NUBP2: variants seen among roughly 807,000 people sequenced by gnomAD.
The protein encoded by NUBP2 is cytosolic Fe-S cluster assembly factor NUBP2.
Under a neutral mutation model 24.9 loss-of-function variants are expected in NUBP2, and 23 were observed. The ratio of observed to expected loss-of-function variants is 0.92; its 90% CI spans 0.66 to 1.31. The LOEUF (loss-of-function observed/expected upper bound fraction) is 1.31. Among genes scored for constraint, NUBP2 ranks in the 50% most tolerant of loss-of-function variants. The pLI is 0.00. For missense variants in NUBP2, 403 were observed against 386.5 expected, an observed-to-expected ratio of 1.04 and a Z score of -0.36; for synonymous variants, 186 against 170.9, an observed-to-expected ratio of 1.09 and a Z score of -0.69.
At chr16:1,786,386 C>A (rs750683778) in intron 1 of NUBP2, 151 bp from the exon 2 acceptor site, 1 of 723,422 alleles carries the variant, frequency 1.4e-6, no homozygotes, top group East Asian at 2.5e-5. Flanking sequence ...GTCTTTACAT[C>A]GGGGCGAAGT....
At position 1,788,685 on chromosome 16, in the gene NUBP2, C is replaced by A; in HGVS notation, c.787C>A (p.Leu263Met). 6.2e-7 allele frequency: 1 copy of A among 1,612,108 alleles called. No homozygotes were observed. The change falls in exon 7 of 7, where the codon CTG (leucine) becomes ATG (methionine). Residue 263 changes from leucine (L) to methionine (M), a missense_variant. Coordinates refer to ENST00000262302, the MANE Select transcript of NUBP2 (RefSeq NM_012225.4). ...ACTCACCTCCATAGCCCAGAAGATT[C>A]TGGACGCGACGCCCGCGTGCCTCCC... is the stretch of plus-strand genomic sequence containing the variant. Reference protein sequence around the residue: ...AALTSIAQKILDATPACLP With the variant: ...AALTSIAQKIMDATPACLP
chr16:1,783,258 T>C, intron 1 of NUBP2: 1 of 1,159,718 alleles, frequency 8.6e-7, no homozygotes. Context: ...TCGGAGGGCC[T>C]GAGTCGTGGA....
At chr16:1,785,813 TTG>T (rs1287572404) in intron 1 of NUBP2, 1 of 1,289,128 alleles carries the variant, frequency 7.8e-7, no homozygotes, top group South Asian at 1.2e-5. Flanking sequence ...GCATCATGTG[TTG>T]AGCCCCTCAC....
chr16:1,784,095 CT>C (rs759541816), intron 1 of NUBP2: 133,660 of 708,806 alleles, frequency 0.19, 1 homozygote, highest in Non-Finnish European at 0.21. Flanking sequence ...TTGATAGAAG[CT>C]TTTTTTTTTT....
In NUBP2 at chr16:1,787,905, G is replaced by A. The variant is rs200151383; in HGVS notation, c.490-36G>A. On this transcript the variant is annotated intron_variant, in intron 4 of 6. Transcript: ENST00000262302. ...GCTGGGCGGGTGTCCCTGCTGGTGCGCCTGGCTGACCGTGGCCTCGGCTCC... is the reference window on the plus strand; with the variant it reads ...GCTGGGCGGGTGTCCCTGCTGGTGCACCTGGCTGACCGTGGCCTCGGCTCC... 4.2e-5 allele frequency: 67 copies of A among 1,600,412 alleles called. No individual in the cohort carries two copies. In the African/African-American group the frequency reaches 6.6e-4, roughly 16 times the overall value.
chr16:1,788,071 G>A lies in NUBP2; in HGVS notation c.600+20G>A. On this transcript the variant is annotated intron_variant, in intron 5 of 6. Transcript: ENST00000262302. The stretch of plus-strand genomic sequence containing the variant: ...TGCACGGTGAGTCCCGGGGGTTGCA[G>A]AGGGGGCGAGGCAGCACCTGGCCGG... The A allele has an allele frequency of 6.4e-7, 1 of 1,571,176 alleles. No homozygotes were observed. The highest frequency in any genetic ancestry group is 1.2e-5 in the South Asian group (1 of 86,306).
intron 1 of NUBP2, chr16:1,785,953 G>T (rs1041414248): frequency 1.4e-5 from 18 of 1,245,774 alleles, no homozygotes; most frequent in Non-Finnish European, 1.8e-5. Flanking sequence ...AGCCCCTGCC[G>T]TGTGGCAGGG....
chr16:1,783,212 C>T (rs1896804381), intron 1 of NUBP2, 176 bp downstream of exon 1: 2 of 1,168,404 alleles, frequency 1.7e-6, no homozygotes, highest in South Asian at 4.4e-5. Flanking sequence ...GGTCGTTTCC[C>T]GCGTGCTCCT....
rs1364851340 is a variant in NUBP2, at chr16:1,787,984, G to GGAAGAC, written c.535_540dup (p.Lys179_Thr180dup). 1 of 1,605,240 alleles carries GGAAGAC rather than the reference G, an allele frequency of 6.2e-7. No homozygotes were observed. The highest frequency in any genetic ancestry group is 8.5e-7 in the Non-Finnish European group (1 of 1,177,404). ...GTGAGGCGCGAGCTGACCTTCTGTA[G>GGAAGAC]GAAGACGGGCTTGCGGGTGATGGGA... On this transcript the variant is annotated inframe_insertion, in exon 5 of 7. Coordinates refer to ENST00000262302, the MANE Select transcript of NUBP2 (RefSeq NM_012225.4).
intron 1 of NUBP2, chr16:1,784,723 G>A (rs12149777): frequency 0.57 from 85,300 of 150,732 alleles, 24,416 homozygotes; most frequent in Middle Eastern, 0.7. Flanking sequence ...TTCTTTAAAC[G>A]GGGAAAATAT....
In NUBP2 at chr16:1,788,919, C is replaced by A. The variant is rs763102805; in HGVS notation, c.*205C>A. 3.2e-6 allele frequency: 2 copies of A among 625,754 alleles called. No homozygotes were observed. The highest frequency in any genetic ancestry group is 5.3e-6 in the Non-Finnish European group (2 of 380,546). The allele number at this position is 625,754 out of a possible 1,614,324, so 38.8% of individuals were successfully genotyped here. On this transcript the variant is annotated 3_prime_UTR_variant, in exon 7 of 7. Transcript: ENST00000262302. The stretch of plus-strand genomic sequence containing the variant: ...GGTTGGCCTGCAGTGCCGTGGTCTG[C>A]GTGCTCTGCAGCTGTGAGACGGGGG...
chr16:1,787,056 C>T (rs920539620), intron 3 of NUBP2, 101 bp downstream of exon 3: 19 of 1,177,200 alleles, frequency 1.6e-5, no homozygotes, highest in Non-Finnish European at 4.6e-6. Flanking sequence ...AGGCCTGTTC[C>T]TGGGGACCTG....
intron 1 of NUBP2, 176 bp from the exon 2 acceptor site, chr16:1,786,361 G>T: frequency 1.5e-6 from 1 of 651,390 alleles, no homozygotes; most frequent in African/African-American, 1.8e-5. Context: ...GGGGCTGCAG[G>T]GGACCTGCCT....
chr16:1,785,277 C>A, intron 1 of NUBP2: 1 of 1,042,114 alleles, frequency 9.6e-7, no homozygotes, highest in Non-Finnish European at 1.2e-6. Flanking sequence ...GGAGCTGCCT[C>A]AGTTTGCTGA....
At chr16:1,787,092 G>A in intron 3 of NUBP2, 137 bp downstream of exon 3, 1 of 802,428 alleles carries the variant, frequency 1.2e-6, no homozygotes, top group Non-Finnish European at 1.9e-6. Flanking sequence ...ACCAGGCACA[G>A]GGCTCAGGCT....
At position 1,786,670 on chromosome 16, in the gene NUBP2, C is replaced by G; in HGVS notation, c.135+15C>G. ...CAGGCAAGAAGGTGAGCGCCCTACCCCTCACTGGGCGGAGCCCCGGGCAGC... is the reference window on the plus strand; with the variant it reads ...CAGGCAAGAAGGTGAGCGCCCTACCGCTCACTGGGCGGAGCCCCGGGCAGC... On this transcript the variant is annotated intron_variant, in intron 2 of 6. Transcript: ENST00000262302. The G allele has an allele frequency of 6.2e-7, 1 of 1,612,276 alleles. No homozygotes were observed. The highest frequency in any genetic ancestry group is 8.5e-7 in the Non-Finnish European group (1 of 1,179,534).
In NUBP2 at chr16:1,786,249, C is replaced by G. The variant is rs1383278219; in HGVS notation, c.17-288C>G. The stretch of plus-strand genomic sequence containing the variant: ...ACACGCGCACGAAGGAACGCATGCA[C>G]CCTTCCACACAGCGAGAGGAGTTGG... On this transcript the variant is annotated intron_variant, in intron 1 of 6. Coordinates refer to ENST00000262302, the MANE Select transcript of NUBP2 (RefSeq NM_012225.4). 4.5e-5 allele frequency: 22 copies of G among 486,236 alleles called. No homozygotes were observed. In the South Asian group the frequency reaches 5.1e-4, roughly 11 times the overall value. The allele number at this position is 486,236 out of a possible 1,614,324, so 30.1% of individuals were successfully genotyped here.
chr16:1,786,031 C>G, intron 1 of NUBP2: 2 of 1,172,862 alleles, frequency 1.7e-6, no homozygotes, highest in Non-Finnish European at 2.2e-6. Flanking sequence ...CCCTCACTTA[C>G]CGCACATTGC....
chr16:1,788,160 G>C lies in NUBP2; in HGVS notation c.623G>C (p.Arg208Thr), dbSNP rs1007096976. 9 of 1,540,208 alleles carry C rather than the reference G, an allele frequency of 5.8e-6. No homozygotes were observed. The highest frequency in any genetic ancestry group is 7.8e-6 in the Non-Finnish European group (9 of 1,147,590). The change falls in exon 6 of 7, where the codon AGG (arginine) becomes ACG (threonine). Residue 208 changes from arginine (R) to threonine (T), a missense_variant. Coordinates refer to ENST00000262302, the MANE Select transcript of NUBP2 (RefSeq NM_012225.4). The part of the protein sequence containing the change: ...HCTECTSVFS[R>T]GGGEELAQLA... Reference sequence around the variant, plus strand: ...TAGGAGTGCACCAGCGTCTTCTCCAGGGGCGGCGGAGAGGAGCTGGCCCAG... The same window carrying C: ...TAGGAGTGCACCAGCGTCTTCTCCACGGGCGGCGGAGAGGAGCTGGCCCAG...
Sources: gnomAD v4.1 joint callset for allele counts on GRCh38, gnomAD v4.1.1 for gene constraint, MANE v1.5 for transcripts, NCBI Gene and HGNC (gene_info 2026-07-23, HGNC 2026-07-21) for gene names.